The following KCNT2 variants were observed in gnomAD, a reference collection of about 807,000 sequenced individuals.
KCNT2 encodes potassium sodium-activated channel subfamily T member 2, also known as potassium channel subfamily T member 2.
Under a neutral mutation model 153.8 loss-of-function variants are expected in KCNT2, and 67 were observed. The ratio of observed to expected loss-of-function variants is 0.44; its 90% CI spans 0.36 to 0.53. The LOEUF is 0.53. KCNT2 is among the 20% of genes least tolerant of loss of function. The probability of loss-of-function intolerance (pLI) is 0.00; values close to 1 mark genes in which losing one functional copy is unlikely to be tolerated. For synonymous variants in KCNT2, 500 were observed against 458.8 expected, an observed-to-expected ratio of 1.09 and a Z score of -1.15; for missense variants, 975 against 1,354.8, an observed-to-expected ratio of 0.72 and a Z score of 4.40.
At chr1:196,347,436 G>T (rs1461731335) in intron 14 of KCNT2, among the ~76,000 whole-genome samples, 2 of 152,054 alleles carry the variant, frequency 1.3e-5, no homozygotes, top group African/African-American at 2.4e-5. Context: ...GGTGTGATTT[G>T]TACTCACCTA....
chr1:196,286,032 T>A (rs529573832), intron 22 of KCNT2, among the ~76,000 whole-genome samples: 19 of 151,784 alleles, frequency 1.3e-4, no homozygotes, highest in Non-Finnish European at 2.6e-4. Flanking sequence ...GACATCATAA[T>A]GGAAACAAAT....
At chr1:196,603,423 G>T (rs1314305976) in intron 1 of KCNT2, among the ~76,000 whole-genome samples, 4 of 152,054 alleles carry the variant, frequency 2.6e-5, no homozygotes, top group Admixed American at 2.0e-4. Flanking sequence ...GATAAAGTTA[G>T]TAATTTATAA....
chr1:196,239,569 A>G (rs577165714), intron 26 of KCNT2, among the ~76,000 whole-genome samples: 2 of 152,134 alleles, frequency 1.3e-5, no homozygotes, highest in South Asian at 4.1e-4. Flanking sequence ...TAATTGATTA[A>G]TGAGTCCTAT....
chr1:196,449,786 G>T (rs9659561), intron 8 of KCNT2, among the ~76,000 whole-genome samples: 10,147 of 151,462 alleles, frequency 0.067, 1,150 homozygotes, highest in African/African-American at 0.23. Context: ...ATTTCAGGAG[G>T]TGGGTAATAG....
chr1:196,262,735 C>G (rs1010077978), intron 25 of KCNT2, among the ~76,000 whole-genome samples: 1 of 152,004 alleles, frequency 6.6e-6, no homozygotes, highest in African/African-American at 2.4e-5. Context: ...GCTAGTTACA[C>G]TGTATATTGA....
In KCNT2 at chr1:196,340,421, T is replaced by C; in HGVS notation, c.1703A>G (p.Gln568Arg). Residue 568 changes from glutamine to arginine, a missense_variant, in exon 16 of 28, where the codon CAG (glutamine) becomes CGG (arginine). Physicochemically the swap from Gln to Arg is conservative, Grantham distance 43 (BLOSUM62 1). This residue lies in a region of KCNT2 where 325 missense variants were observed against 388.1 expected (regional missense o/e 0.84). Transcript: ENST00000294725. Reference protein sequence around the residue: ...EENSAFKNQDQQRKSNVSRSF... With the variant: ...EENSAFKNQDRQRKSNVSRSF... Reference sequence around the variant, plus strand: ...CCTGGACACATTGCTTTTTCTCTGCTGGTCTTGGTTTTTAAATGCTGAATT... The same window carrying C: ...CCTGGACACATTGCTTTTTCTCTGCCGGTCTTGGTTTTTAAATGCTGAATT... The C allele has an allele frequency of 6.2e-7, 1 of 1,612,998 alleles. No homozygotes were observed. Among genetic ancestry groups the C allele is most frequent in the Non-Finnish European group, 8.5e-7 (1 of 1,179,306 alleles).
chr1:196,227,163 A>T lies in KCNT2; in HGVS notation c.*1061T>A, dbSNP rs1437461889. On this transcript the variant is annotated 3_prime_UTR_variant, in exon 28 of 28. Transcript: ENST00000294725. ...AGTATAGCTCATATATACGATTTCA[A>T]AATTAAGTCAAAAATTTTAATACAT... is the stretch of plus-strand genomic sequence containing the variant. 6.6e-6 allele frequency: 1 copy of T among 152,032 alleles called. No homozygotes were observed. The highest frequency in any genetic ancestry group is 6.6e-5 in the Admixed American group (1 of 15,264). 9.4% of individuals were successfully genotyped at this position (152,032 alleles called of 1,614,324 possible). A position where few individuals can be genotyped will look rare whatever the true frequency, so the allele number is the denominator to read the frequency against.
At position 196,331,165 on chromosome 1, in the gene KCNT2, T is replaced by A. The variant is rs776727138; in HGVS notation, c.2094A>T (p.Arg698Ser). The change falls in exon 18 of 28, where the codon AGA becomes AGT. Residue 698 changes from arginine to serine, a missense_variant. By Grantham distance (110) the Arg-to-Ser change is moderately radical (BLOSUM62 -1). This residue lies in a region of KCNT2 where 325 missense variants were observed against 388.1 expected (regional missense o/e 0.84). Transcript: ENST00000294725. ...ATCAACAAGTACTTACCTTGTCTAA[T>A]CTTAAGCAGCAAAATGGTACTTTTT... ...LHEKVPFCCL[R>S]LDKSCQHNYY... The A allele has an allele frequency of 4.4e-6, 7 of 1,583,082 alleles. No homozygotes were observed. The highest frequency in any genetic ancestry group is 3.5e-6 in the Non-Finnish European group (4 of 1,152,146).
intron 1 of KCNT2, among the ~76,000 whole-genome samples, chr1:196,582,972 A>G (rs1432859830): frequency 6.6e-6 from 1 of 152,130 alleles, no homozygotes; most frequent in East Asian, 1.9e-4. Flanking sequence ...TAAAATGCTG[A>G]GATAAAGATT....
At chr1:196,231,586 G>C (rs1215578673) in intron 27 of KCNT2, among the ~76,000 whole-genome samples, 1 of 151,878 alleles carries the variant, frequency 6.6e-6, no homozygotes, top group Non-Finnish European at 1.5e-5. Flanking sequence ...CTTTATTGTG[G>C]GGTTGGGTTG....
chr1:196,491,300 T>C (rs1679843478), intron 2 of KCNT2, among the ~76,000 whole-genome samples: 1 of 152,052 alleles, frequency 6.6e-6, no homozygotes, highest in Non-Finnish European at 1.5e-5. Flanking sequence ...GCTAACAGTC[T>C]TAACCTTGAG....
chr1:196,459,833 G>T (rs1387739859), intron 8 of KCNT2, among the ~76,000 whole-genome samples: 3 of 151,730 alleles, frequency 2.0e-5, no homozygotes, highest in Non-Finnish European at 4.4e-5. Flanking sequence ...ATCAAACTCT[G>T]TCAAGTAAAC....
chr1:196,502,653 C>T (rs941331893), intron 1 of KCNT2, among the ~76,000 whole-genome samples: 2 of 152,120 alleles, frequency 1.3e-5, no homozygotes, highest in African/African-American at 4.8e-5. Context: ...TGGAAATAGT[C>T]TTGTGGTTTC....
intron 1 of KCNT2, among the ~76,000 whole-genome samples, chr1:196,506,343 C>T (rs1032096440): frequency 2.6e-5 from 4 of 152,072 alleles, no homozygotes; most frequent in South Asian, 2.1e-4. Flanking sequence ...TAATACAAAA[C>T]GTTCCTAAAA....
chr1:196,263,577 T>C (rs1657237459), intron 25 of KCNT2, among the ~76,000 whole-genome samples: 1 of 152,062 alleles, frequency 6.6e-6, no homozygotes, highest in South Asian at 2.1e-4. Context: ...AATATATAAT[T>C]CTATGAATAT....
At chr1:196,282,841 C>CTATT (rs978441943) in intron 23 of KCNT2, among the ~76,000 whole-genome samples, 13 of 151,986 alleles carry the variant, frequency 8.6e-5, no homozygotes, top group South Asian at 2.1e-4. Context: ...ATAGGGCCTT[C>CTATT]TATTTATTTA....
chr1:196,412,646 A>G (rs577178560), intron 12 of KCNT2, among the ~76,000 whole-genome samples: 2 of 151,632 alleles, frequency 1.3e-5, no homozygotes, highest in South Asian at 4.2e-4. Context: ...CCTACCCCCC[A>G]GCACACACAA....
At chr1:196,261,407 C>T (rs1438418474) in intron 25 of KCNT2, among the ~76,000 whole-genome samples, 1 of 151,726 alleles carries the variant, frequency 6.6e-6, no homozygotes, top group African/African-American at 2.4e-5. Flanking sequence ...TTTCTGAAGA[C>T]ATAAAAGAGA....
chr1:196,456,043 C>T (rs1676641761), intron 8 of KCNT2, among the ~76,000 whole-genome samples: 3 of 152,026 alleles, frequency 2.0e-5, no homozygotes, highest in South Asian at 2.1e-4. Context: ...ACTCTAGTAA[C>T]TTTATTCTAG....
Sources: allele counts gnomAD v4.1 joint callset (sites outside exome capture counted in the v4.1 genomes callset), GRCh38; gene constraint gnomAD v4.1.1; regional missense constraint gnomAD v4.1.1; transcripts MANE v1.5; gene names NCBI Gene and HGNC (gene_info 2026-07-23, HGNC 2026-07-21).